LTBP4: variants seen among roughly 807,000 people sequenced by gnomAD.
The protein encoded by LTBP4 is latent transforming growth factor beta binding protein 4.
In LTBP4, 93 loss-of-function variants were observed where a neutral mutation model predicts 180.2. That is an observed-to-expected ratio of 0.52 (90% confidence interval 0.44 to 0.61). The LOEUF (loss-of-function observed/expected upper bound fraction) is 0.61. Ranked by LOEUF, LTBP4 falls within the 20% of genes least tolerant of loss-of-function variation. The pLI is 0.00. For missense variants in LTBP4, 2,116 were observed against 2,256.5 expected (o/e 0.94, Z 1.26); for synonymous variants, 947 against 934.5 (o/e 1.01, Z -0.24).
At chr19:40,627,661 G>A (rs1342574703) in intron 28 of LTBP4, 44 bp from the exon 29 acceptor site, 10 of 1,555,020 alleles carry the variant, frequency 6.4e-6, no homozygotes, top group Non-Finnish European at 7.8e-6. Context: ...GGTAAGGGGT[G>A]AAGGCAGGGA....
chr19:40,597,635 A>G (rs1227306536), upstream of LTBP4, among the ~76,000 whole-genome samples: 1 of 151,734 alleles, frequency 6.6e-6, no homozygotes, highest in African/African-American at 2.4e-5. Flanking sequence ...TAGTTCGGGG[A>G]AAGGTCTCTA....
At chr19:40,625,252 T>TTATATATATA (rs71173663) in intron 26 of LTBP4, among the ~76,000 whole-genome samples, 2 of 44,056 alleles carry the variant, frequency 4.5e-5, no homozygotes, top group Non-Finnish European at 8.4e-5. Flanking sequence ...ATTTTTGTAT[T>TTATATATATA]TATATATATA....
At chr19:40,616,136 G>A (rs1296532370) in intron 19 of LTBP4, among the ~76,000 whole-genome samples, 1 of 151,868 alleles carries the variant, frequency 6.6e-6, no homozygotes, top group Non-Finnish European at 1.5e-5. Flanking sequence ...GGACTTGAGA[G>A]TTATCAACTA....
chr19:40,622,556 G>A lies in LTBP4; in HGVS notation c.3373G>A (p.Ala1125Thr), dbSNP rs769395870. The change falls in exon 23 of 30, where the codon GCA becomes ACA. Residue 1125 changes from alanine to threonine, a missense_variant. Physicochemically the swap from Ala to Thr is moderately conservative, Grantham distance 58. Coordinates refer to ENST00000396819, the MANE Select transcript of LTBP4 (RefSeq NM_001042545.2). This position sits in a 1 kb window ranked among gnomAD's most constrained non-coding sequence, Gnocchi z 5.1. ...CTACTTTGACACAGCGGCCCCGGAT[G>A]CATGTGACAACATCCTGGCTCGGAA... ...ECYFDTAAPD[A>T]CDNILARNVT... 19 of 1,613,934 alleles carry A rather than the reference G, an allele frequency of 1.2e-5. 1 individual carries two copies. In the South Asian group the frequency reaches 2.0e-4, roughly 17 times the overall value.
intron 14 of LTBP4, 24 bp from the exon 15 acceptor site, chr19:40,612,049 G>T (rs755001912): frequency 1.2e-6 from 2 of 1,612,074 alleles, no homozygotes; most frequent in Non-Finnish European, 1.7e-6. Flanking sequence ...CTTCTTCAAG[G>T]CCACCCTCTC....
Position 40,613,263 on chromosome 19 carries a change from G to A in LTBP4, c.2431+67G>A. 6.5e-7 allele frequency: 1 copy of A among 1,542,838 alleles called. No homozygotes were observed. Among genetic ancestry groups the A allele is most frequent in the Non-Finnish European group, 8.8e-7 (1 of 1,140,774 alleles). On this transcript the variant is annotated intron_variant, in intron 16 of 29. Transcript: ENST00000396819. This position sits in a 1 kb window ranked among gnomAD's most constrained non-coding sequence, Gnocchi z 5.0. ...CCTGGGTTCCAGGGCAAAGCCGGCT[G>A]GAAAGGTGGAGGCGGGACCAAGGCG...
rs537542078 is a variant in LTBP4 at position 40,604,804 on chromosome 19, G to A, written c.251-231G>A. Among the ~76,000 whole-genome samples, 11 of 152,294 alleles carry A rather than the reference G, an allele frequency of 7.2e-5. 1 individual carries two copies. In the South Asian group the frequency reaches 8.3e-4, roughly 11 times the overall value. ...GCTGCAGAGCCATAATCACGCTACT[G>A]CATTCCAGCCTGGGCAATAGAGCGA... On this transcript the variant is annotated intron_variant, in intron 1 of 29. Coordinates refer to ENST00000396819, the MANE Select transcript of LTBP4 (RefSeq NM_001042545.2).
chr19:40,597,097 T>G, upstream of LTBP4: 1 of 839,908 alleles, frequency 1.2e-6, no homozygotes, highest in Non-Finnish European at 1.6e-6. Context: ...TGGCGGGAAG[T>G]TCGCAGCCCG....
At position 40,605,006 on chromosome 19, in the gene LTBP4, GCCCC is replaced by G. The variant is rs1238731136; in HGVS notation, c.251-28_251-25del. ...AGGAGAACCTGCCAGGAATGGTGGC[GCCCC>G]TGAGTGTCCTCGTTCTCCTCCCAGT... On this transcript the variant is annotated intron_variant, in intron 1 of 29. Coordinates refer to ENST00000396819, the MANE Select transcript of LTBP4 (RefSeq NM_001042545.2). This position sits in a 1 kb window ranked among gnomAD's most constrained non-coding sequence, Gnocchi z 5.5. 66 of 1,585,700 alleles carry G rather than the reference GCCCC, an allele frequency of 4.2e-5. No homozygotes were observed. Among genetic ancestry groups the G allele is most frequent in the Admixed American group, 1.7e-4 (10 of 57,924 alleles).
Position 40,609,845 on chromosome 19 carries a change from C to T in LTBP4, c.1658C>T (p.Ala553Val). 2 of 1,595,722 alleles carry T rather than the reference C, an allele frequency of 1.3e-6. No homozygotes were observed. Among genetic ancestry groups the T allele is most frequent in the South Asian group, 1.1e-5 (1 of 89,532 alleles). The change falls in exon 11 of 30, where the codon GCC becomes GTC. Residue 553 changes from alanine (A) to valine (V), a missense_variant. Physicochemically the swap from Ala to Val is moderately conservative, Grantham distance 64. Transcript: ENST00000396819. The surrounding 1 kb of genome is among the most constrained non-coding windows in gnomAD (Gnocchi z 4.9). ...FRCVCGPGFR[A>V]GPRAAECLDV... ...TGCGTGTGCGGCCCGGGCTTCCGAG[C>T]CGGCCCACGGGCTGCGGAATGCCTG...
At chr19:40,619,562 C>T (rs2081572424) in intron 22 of LTBP4, 69 bp downstream of exon 22, 1 of 1,492,818 alleles carries the variant, frequency 6.7e-7, no homozygotes, top group Admixed American at 2.1e-5. Flanking sequence ...TCTAATCATT[C>T]CTGATGTGGA....
intron 26 of LTBP4, 145 bp downstream of exon 26, chr19:40,624,227 A>T (rs2081608728): frequency 1.9e-6 from 2 of 1,076,090 alleles, no homozygotes; most frequent in Non-Finnish European, 2.5e-6. Flanking sequence ...GCCCTCACTC[A>T]GTCTCTGTCC....
At position 40,612,163 on chromosome 19, in the gene LTBP4, G is replaced by A; in HGVS notation, c.2270G>A (p.Gly757Asp). ...TTCCAGTGCAGGACCTGTCCTTCTG[G>A]CCACCACCTGCACCGTGGCAGATGC... ...GSFQCRTCPS[G>D]HHLHRGRCTD... The change falls in exon 15 of 30, where the codon GGC becomes GAC. Residue 757 changes from glycine (G) to aspartate (D), a missense_variant. Coordinates refer to ENST00000396819, the MANE Select transcript of LTBP4 (RefSeq NM_001042545.2). 6.2e-7 allele frequency: 1 copy of A among 1,609,976 alleles called. No homozygotes were observed. The highest frequency in any genetic ancestry group is 1.1e-5 in the South Asian group (1 of 90,068).
rs1430313018 is a variant in LTBP4, at chr19:40,607,497, G to A, written c.1124G>A (p.Arg375Gln). 4 of 1,612,092 alleles carry A rather than the reference G, an allele frequency of 2.5e-6. No individual in the cohort carries two copies. Among genetic ancestry groups the A allele is most frequent in the Admixed American group, 1.7e-5 (1 of 59,882 alleles). ...AGCCGCGTAGGCAAGGCCTGGGGCCGGGGCTGCCAGCTCTGCCCACCCTTC... is the reference window on the plus strand; with the variant it reads ...AGCCGCGTAGGCAAGGCCTGGGGCCAGGGCTGCCAGCTCTGCCCACCCTTC... ...CCSRVGKAWGRGCQLCPPFGS... is the reference protein window; with the variant it reads ...CCSRVGKAWGQGCQLCPPFGS... Residue 375 changes from arginine (R) to glutamine (Q), a missense_variant, in exon 7 of 30, where the codon CGG becomes CAG. By Grantham distance (43) the Arg-to-Gln change is conservative (BLOSUM62 1). Coordinates refer to ENST00000396819, the MANE Select transcript of LTBP4 (RefSeq NM_001042545.2).
intron 12 of LTBP4, 185 bp from the exon 13 acceptor site, chr19:40,610,967 T>A: frequency 1.2e-5 from 10 of 846,558 alleles, no homozygotes; most frequent in Non-Finnish European, 1.8e-5. Flanking sequence ...TCATGGGGAC[T>A]ACAGAGACAG....
In LTBP4 at chr19:40,611,037, A is replaced by G; in HGVS notation, c.1811-115A>G. On this transcript the variant is annotated intron_variant, in intron 12 of 29. Transcript: ENST00000396819. This position sits in a 1 kb window ranked among gnomAD's most constrained non-coding sequence, Gnocchi z 4.4. ...GATGCAGAGTCAGATGATGGTGACA[A>G]GGAGGAATAGAGATGGGGTCACGGG... is the stretch of plus-strand genomic sequence containing the variant. The G allele has an allele frequency of 1.4e-6, 2 of 1,396,858 alleles. No homozygotes were observed. Among genetic ancestry groups the G allele is most frequent in the African/African-American group, 2.8e-5 (2 of 70,460 alleles). The allele number at this position is 1,396,858 out of a possible 1,614,324, so 86.5% of individuals were successfully genotyped here. A position where few individuals can be genotyped will look rare whatever the true frequency, so the allele number is the denominator to read the frequency against.
intron 28 of LTBP4, 44 bp downstream of exon 28, chr19:40,627,399 G>T: frequency 1.4e-6 from 2 of 1,459,160 alleles, no homozygotes; most frequent in Non-Finnish European, 9.0e-7. Flanking sequence ...GAGGGGTGAG[G>T]TGTGCACGGA....
At chr19:40,614,227 TC>T in intron 18 of LTBP4, 87 bp from the exon 19 acceptor site, 1 of 1,468,980 alleles carries the variant, frequency 6.8e-7, no homozygotes, top group Non-Finnish European at 9.2e-7. Flanking sequence ...TTCCCCGGCC[TC>T]CCCCTTCTGA....
chr19:40,599,157 G>T (rs757487516), upstream of LTBP4: 2 of 1,567,854 alleles, frequency 1.3e-6, no homozygotes, highest in Middle Eastern at 1.7e-4. Flanking sequence ...GAGTTCTGGG[G>T]TGCTAGGGGC....
Sources: allele counts gnomAD v4.1 joint callset (sites outside exome capture counted in the v4.1 genomes callset), GRCh38; gene constraint gnomAD v4.1.1; non-coding constraint Gnocchi (gnomAD v3.1); transcripts MANE v1.5; gene names NCBI Gene and HGNC (gene_info 2026-07-23, HGNC 2026-07-21).